SUSD1: variants seen among roughly 807,000 people sequenced by gnomAD.
The protein encoded by SUSD1 is sushi domain-containing protein 1.
In SUSD1, 65 loss-of-function variants were observed where a neutral mutation model predicts 86.9. The observed-to-expected ratio is 0.75, with a 90% CI of 0.61 to 0.92. The LOEUF is 0.92. SUSD1 is among the 40% of genes least tolerant of loss of function. The pLI, the probability that SUSD1 is intolerant of heterozygous loss-of-function variation, is 0.00. For synonymous variants in SUSD1, 346 were observed against 350.0 expected, an observed-to-expected ratio of 0.99 and a Z score of 0.13; for missense variants, 850 against 929.7, an observed-to-expected ratio of 0.91 and a Z score of 1.11.
chr9:112,131,288 A>T (rs1254909151), intron 5 of SUSD1, among the ~76,000 whole-genome samples: 1 of 152,202 alleles, frequency 6.6e-6, no homozygotes, highest in Non-Finnish European at 1.5e-5. Context: ...ACCTAAGGAG[A>T]AAACGTTGCC....
chr9:112,098,391 C>A, intron 10 of SUSD1, 79 bp downstream of exon 10: 1 of 1,453,200 alleles, frequency 6.9e-7, no homozygotes, highest in South Asian at 1.3e-5. Flanking sequence ...CAAACTAGCA[C>A]TCTTATGCCC....
chr9:112,071,930 A>T (rs1419386098), intron 12 of SUSD1, among the ~76,000 whole-genome samples: 3 of 152,158 alleles, frequency 2.0e-5, no homozygotes, highest in Non-Finnish European at 4.4e-5. Flanking sequence ...CTTCCACTAC[A>T]AGTCATCAGC....
At chr9:112,133,228 C>T in intron 5 of SUSD1, among the ~76,000 whole-genome samples, 1 of 152,280 alleles carries the variant, frequency 6.6e-6, no homozygotes, top group South Asian at 2.1e-4. Flanking sequence ...TGAGCCATGA[C>T]TGCACCACCA....
intron 10 of SUSD1, among the ~76,000 whole-genome samples, chr9:112,085,713 G>C (rs1435632638): frequency 1.3e-5 from 2 of 152,160 alleles, no homozygotes; most frequent in African/African-American, 4.8e-5. Context: ...TAGAAGAAAT[G>C]GCATGAACAA....
chr9:112,100,643 C>A (rs996428825), intron 9 of SUSD1, among the ~76,000 whole-genome samples: 1 of 151,896 alleles, frequency 6.6e-6, no homozygotes, highest in Non-Finnish European at 1.5e-5. Flanking sequence ...ACCAGCCTGG[C>A]CAACATGGCA....
chr9:112,109,274 T>C (rs916736678), intron 8 of SUSD1, among the ~76,000 whole-genome samples: 2 of 152,100 alleles, frequency 1.3e-5, no homozygotes, highest in Non-Finnish European at 2.9e-5. Context: ...AATTCAAACA[T>C]GATATAAAGT....
At chr9:112,106,456 G>A (rs1230347049) in intron 8 of SUSD1, among the ~76,000 whole-genome samples, 2 of 151,980 alleles carry the variant, frequency 1.3e-5, no homozygotes, top group Non-Finnish European at 2.9e-5. Context: ...GATCATCATG[G>A]ACTCAGAAAG....
chr9:112,158,198 T>A (rs1053930245), intron 1 of SUSD1, among the ~76,000 whole-genome samples: 2 of 151,676 alleles, frequency 1.3e-5, no homozygotes, highest in Non-Finnish European at 2.9e-5. Context: ...CAACCACACA[T>A]GGTACTTGCC....
intron 14 of SUSD1, among the ~76,000 whole-genome samples, chr9:112,057,978 T>C (rs543661866): frequency 1.3e-5 from 2 of 152,126 alleles, no homozygotes; most frequent in Non-Finnish European, 2.9e-5. Flanking sequence ...CTAAGGACTG[T>C]AGAAGGGAAA....
chr9:112,151,705 C>G (rs1833052914), intron 2 of SUSD1, among the ~76,000 whole-genome samples: 1 of 151,688 alleles, frequency 6.6e-6, no homozygotes, highest in Non-Finnish European at 1.5e-5. Flanking sequence ...AGTTCAAGAC[C>G]ATCCTGGCCA....
chr9:112,089,188 C>T (rs886857904), intron 10 of SUSD1, among the ~76,000 whole-genome samples: 9 of 151,952 alleles, frequency 5.9e-5, no homozygotes, highest in East Asian at 5.8e-4. Context: ...GAAGAGAGGG[C>T]GTTTTTTAAA....
Position 112,149,254 on chromosome 9 carries a change from G to T in SUSD1, c.363C>A (p.Thr121=). The change falls in exon 3 of 17, where the codon ACC becomes ACA. Residue 121 remains threonine (T), a synonymous_variant. Coordinates refer to ENST00000374270, the MANE Select transcript of SUSD1 (RefSeq NM_022486.5). The part of the protein sequence containing the change: ...NNKTFIPNDG[T]FCTDIDECEV... ...CCCCTTCTTGAGTACCTGTACAAAA[G>T]GTGCCATCGTTGGGAATGAATGTCT... 1 of 1,614,146 alleles carries T rather than the reference G, an allele frequency of 6.2e-7. No homozygotes were observed. Among genetic ancestry groups the T allele is most frequent in the Non-Finnish European group, 8.5e-7 (1 of 1,180,034 alleles).
intron 2 of SUSD1, 102 bp from the exon 3 acceptor site, chr9:112,149,501 G>C (rs1832955096): frequency 7.6e-7 from 1 of 1,320,974 alleles, no homozygotes; most frequent in Non-Finnish European, 1.1e-6. Context: ...CCAACGTTCT[G>C]TGACCACACC....
chr9:112,064,049 G>GTT (rs1564258793), intron 12 of SUSD1, among the ~76,000 whole-genome samples: 1 of 144,208 alleles, frequency 6.9e-6, no homozygotes, highest in African/African-American at 2.5e-5. Flanking sequence ...CTTTTTTTGG[G>GTT]GGGGGGGCGG....
chr9:112,075,627 C>T (rs1829483784), intron 12 of SUSD1, among the ~76,000 whole-genome samples: 1 of 152,068 alleles, frequency 6.6e-6, no homozygotes, highest in East Asian at 1.9e-4. Context: ...CGCCTATAGT[C>T]CCAGCTACTC....
intron 1 of SUSD1, among the ~76,000 whole-genome samples, chr9:112,161,746 C>T (rs186774070): frequency 9.5e-4 from 144 of 151,062 alleles, no homozygotes; most frequent in African/African-American, 3.2e-3. Flanking sequence ...CGCTTGAACC[C>T]GGGAGGCGGA....
chr9:112,132,809 C>T (rs913204922), intron 5 of SUSD1, among the ~76,000 whole-genome samples: 11 of 152,282 alleles, frequency 7.2e-5, no homozygotes, highest in East Asian at 3.9e-4. Flanking sequence ...AAGGAACCTG[C>T]GACAAAGTTT....
intron 15 of SUSD1, among the ~76,000 whole-genome samples, chr9:112,050,411 T>C (rs925552744): frequency 2.6e-5 from 4 of 152,074 alleles, no homozygotes; most frequent in Non-Finnish European, 4.4e-5. Flanking sequence ...GAAAATAAGA[T>C]CAGGAGAGAA....
At chr9:112,081,251 G>T (rs547358806) in intron 10 of SUSD1, among the ~76,000 whole-genome samples, 2 of 152,292 alleles carry the variant, frequency 1.3e-5, no homozygotes, top group East Asian at 3.9e-4. Flanking sequence ...AAAAAGGAAG[G>T]TCTCATGAAA....
Sources: gnomAD v4.1 joint callset for allele counts (sites outside exome capture counted in the v4.1 genomes callset) on GRCh38, gnomAD v4.1.1 for gene constraint, MANE v1.5 for transcripts, NCBI Gene and HGNC (gene_info 2026-07-23, HGNC 2026-07-21) for gene names.